AIG1: variants seen among roughly 807,000 people sequenced by gnomAD.
The protein encoded by AIG1 is androgen induced 1, also known as androgen-induced gene 1 protein.
In AIG1, 23 loss-of-function variants were observed where a neutral mutation model predicts 31.4. That is an observed-to-expected ratio of 0.73 (90% CI 0.53 to 1.04). The LOEUF (loss-of-function observed/expected upper bound fraction) is 1.04. Among genes scored for constraint, AIG1 ranks in the 50% least tolerant of loss-of-function variants. AIG1 has a pLI of 0.00. For missense variants in AIG1, 274 were observed against 295.0 expected, an observed-to-expected ratio of 0.93 and a Z score of 0.52; for synonymous variants, 100 against 110.5, an observed-to-expected ratio of 0.90 and a Z score of 0.60.
At chr6:143,083,246 C>T (rs527892959) in intron 1 of AIG1, among the ~76,000 whole-genome samples, 12 of 152,268 alleles carry the variant, frequency 7.9e-5, no homozygotes, top group Non-Finnish European at 1.3e-4. Flanking sequence ...GGTTTCTGAA[C>T]GGGCAGCTAG....
chr6:143,119,662 G>A (rs1782075376), intron 1 of AIG1, among the ~76,000 whole-genome samples: 1 of 152,166 alleles, frequency 6.6e-6, no homozygotes, highest in Admixed American at 6.5e-5. Flanking sequence ...TCTCCACTCA[G>A]TGTTTCTGGA....
intron 1 of AIG1, among the ~76,000 whole-genome samples, chr6:143,130,610 T>C (rs1262256718): frequency 6.6e-6 from 1 of 151,998 alleles, no homozygotes; most frequent in African/African-American, 2.4e-5. Flanking sequence ...TCCTAGCTAC[T>C]GGGGAGGCTG....
At chr6:143,187,635 A>G in intron 3 of AIG1, 1 of 1,536,122 alleles carries the variant, frequency 6.5e-7, no homozygotes, top group Non-Finnish European at 8.7e-7. Context: ...GCAGCATTTC[A>G]AAGCTTAAAG....
chr6:143,215,062 A>G (rs1791920685), intron 3 of AIG1, among the ~76,000 whole-genome samples: 1 of 151,640 alleles, frequency 6.6e-6, no homozygotes, highest in Admixed American at 6.6e-5. Flanking sequence ...ATTGCACTTC[A>G]TATCCCTTTG....
At chr6:143,242,973 T>C (rs1462914216) in intron 3 of AIG1, among the ~76,000 whole-genome samples, 1 of 152,186 alleles carries the variant, frequency 6.6e-6, no homozygotes, top group Non-Finnish European at 1.5e-5. Context: ...CTAGCGCCTA[T>C]CTGATGGCCT....
rs368971794 is a variant in AIG1 at position 143,315,323 on chromosome 6, A to G, written c.516-17959A>G. Reference sequence around the variant, plus strand: ...GTTATTTTGTAGATAGCAAAAACTGATTCTAAAGTTTATATTGAAAGTCAA... The same window carrying G: ...GTTATTTTGTAGATAGCAAAAACTGGTTCTAAAGTTTATATTGAAAGTCAA... On this transcript the variant is annotated intron_variant, in intron 4 of 5. Coordinates refer to ENST00000357847, the MANE Select transcript of AIG1 (RefSeq NM_016108.4). Among the ~76,000 whole-genome samples the G allele has an allele frequency of 3.9e-5, 6 of 152,128 alleles. No individual in the cohort carries two copies. In the East Asian group the frequency reaches 5.8e-4, roughly 15 times the overall value.
chr6:143,270,243 G>A (rs1796417860), intron 3 of AIG1, among the ~76,000 whole-genome samples: 1 of 152,156 alleles, frequency 6.6e-6, no homozygotes, highest in African/African-American at 2.4e-5. Flanking sequence ...CAGAGCCAAT[G>A]TGGTCACTAG....
At chr6:143,341,532 G>C (rs1777855759), downstream of AIG1, among the ~76,000 whole-genome samples, 1 of 152,126 alleles carries the variant, frequency 6.6e-6, no homozygotes, top group Admixed American at 6.5e-5. Flanking sequence ...TTGTAAAAAG[G>C]GGGAATTAGG....
At chr6:143,076,577 T>C (rs1464356286) in intron 1 of AIG1, among the ~76,000 whole-genome samples, 1 of 152,204 alleles carries the variant, frequency 6.6e-6, no homozygotes, top group East Asian at 1.9e-4. Context: ...ATTAAAATAG[T>C]TGGACTTAGG....
At chr6:143,116,692 T>C (rs1435942945) in intron 1 of AIG1, among the ~76,000 whole-genome samples, 1 of 144,494 alleles carries the variant, frequency 6.9e-6, no homozygotes, top group African/African-American at 2.6e-5. Context: ...GCACACGAGA[T>C]GGGGTTTTAT....
intron 3 of AIG1, among the ~76,000 whole-genome samples, chr6:143,206,356 GAAT>G (rs1289164316): frequency 1.3e-5 from 2 of 152,002 alleles, no homozygotes; most frequent in Admixed American, 6.6e-5. Flanking sequence ...CAAAAATCTG[GAAT>G]AATATTTTTC....
At chr6:143,237,732 C>T (rs1583590499) in intron 3 of AIG1, among the ~76,000 whole-genome samples, 1 of 152,090 alleles carries the variant, frequency 6.6e-6, no homozygotes, top group Non-Finnish European at 1.5e-5. Flanking sequence ...GAGAAAAGAG[C>T]TGAGTCTGGG....
chr6:143,125,450 T>C (rs1220420721), intron 1 of AIG1, among the ~76,000 whole-genome samples: 3 of 152,232 alleles, frequency 2.0e-5, no homozygotes, highest in Admixed American at 1.3e-4. Context: ...ATCAATGGTA[T>C]ATTTAATTCA....
At chr6:143,162,101 A>C (rs1786437821) in intron 2 of AIG1, among the ~76,000 whole-genome samples, 1 of 152,236 alleles carries the variant, frequency 6.6e-6, no homozygotes, top group Non-Finnish European at 1.5e-5. Context: ...CTACATTGTC[A>C]ATATTCAAAA....
intron 2 of AIG1, among the ~76,000 whole-genome samples, chr6:143,147,122 G>C (rs555950669): frequency 5.3e-5 from 8 of 152,268 alleles, no homozygotes; most frequent in African/African-American, 1.7e-4. Flanking sequence ...GGTAGGCTAC[G>C]TTGGTACTTG....
At chr6:143,343,084 A>T, downstream of AIG1, 1 of 777,844 alleles carries the variant, frequency 1.3e-6, no homozygotes, top group Non-Finnish European at 2.4e-6. Context: ...TCGCGCCATC[A>T]TGATGATCCT....
chr6:143,085,107 G>C (rs1562358863), intron 1 of AIG1, among the ~76,000 whole-genome samples: 2 of 152,058 alleles, frequency 1.3e-5, no homozygotes, highest in African/African-American at 2.4e-5. Context: ...TAGCCATCAG[G>C]GTCATCTGAG....
rs147495003 is a variant in AIG1, at chr6:143,076,398, A to G, written c.141+15332A>G. 1.7e-3 allele frequency among the ~76,000 whole-genome samples: 262 copies of G among 152,132 alleles called. 2 individuals are homozygous for G. The highest frequency in any genetic ancestry group is 3.3e-3 in the Non-Finnish European group (223 of 67,982). On this transcript the variant is annotated intron_variant, in intron 1 of 5. Coordinates refer to ENST00000357847, the MANE Select transcript of AIG1 (RefSeq NM_016108.4). ...GTATAGCTTCTCCAGCTTTCTTTGT[A>G]TTAGTGTTTGCATGGTATGTCTTTT...
At position 143,090,508 on chromosome 6, in the gene AIG1, G is replaced by A. The variant is rs548020060; in HGVS notation, c.141+29442G>A. On this transcript the variant is annotated intron_variant, in intron 1 of 5. Transcript: ENST00000357847. ...AATATAGGCATACCTTGGTGAGATTGTGGGTTTGGGTTCAGACCACAGCAG... is the reference window on the plus strand; with the variant it reads ...AATATAGGCATACCTTGGTGAGATTATGGGTTTGGGTTCAGACCACAGCAG... 3.3e-5 allele frequency among the ~76,000 whole-genome samples: 5 copies of A among 152,318 alleles called. No homozygotes were observed. The South Asian group carries it at 1.0e-3, about 32-fold the overall frequency.
Sources: gnomAD v4.1 joint callset for allele counts (sites outside exome capture counted in the v4.1 genomes callset) on GRCh38, gnomAD v4.1.1 for gene constraint, MANE v1.5 for transcripts, NCBI Gene and HGNC (gene_info 2026-07-23, HGNC 2026-07-21) for gene names.